The following THOP1 variants were observed in gnomAD, a reference collection of about 807,000 sequenced individuals.
The protein encoded by THOP1 is thimet oligopeptidase.
In THOP1, 49 loss-of-function variants were observed where a neutral mutation model predicts 71.8. The ratio of observed to expected loss-of-function variants is 0.68; its 90% confidence interval spans 0.54 to 0.87. The LOEUF is 0.87. THOP1 is among the 40% of genes least tolerant of loss of function. THOP1 has a pLI of 0.00. For missense variants in THOP1, 843 were observed against 975.6 expected (o/e 0.86, Z 1.81); for synonymous variants, 426 against 421.5 (o/e 1.01, Z -0.13).
intron 5 of THOP1, among the ~76,000 whole-genome samples, chr19:2,802,775 G>A (rs184281750): frequency 3.3e-4 from 51 of 152,346 alleles, no homozygotes; most frequent in African/African-American, 1.2e-3. Context: ...CAGTCATCCT[G>A]CCGTGACTCC....
chr19:2,789,663 G>A (rs79143973), intron 1 of THOP1, among the ~76,000 whole-genome samples: 3,649 of 152,276 alleles, frequency 0.024, 149 homozygotes, highest in African/African-American at 0.082. Flanking sequence ...TGAGCAGTGC[G>A]TGGGTGGTCC....
intron 12 of THOP1, chr19:2,812,173 C>A: frequency 1.3e-6 from 2 of 1,485,052 alleles, no homozygotes; most frequent in South Asian, 2.6e-5. Flanking sequence ...TGGCGTTTGC[C>A]ATTCATTTGC....
chr19:2,810,479 A>G lies in THOP1; in HGVS notation c.1631A>G (p.Gln544Arg). 1 of 1,557,528 alleles carries G rather than the reference A, an allele frequency of 6.4e-7. No individual in the cohort carries two copies. The highest frequency in any genetic ancestry group is 8.7e-7 in the Non-Finnish European group (1 of 1,151,436). Reference protein sequence around the residue: ...ELLEKLIESRQANTGLFNLRQ... With the variant: ...ELLEKLIESRRANTGLFNLRQ... ...CTGGAGAAGCTCATTGAGTCCCGGC[A>G]GGCCAACACAGGTGCACCCGCCCCG... Residue 544 changes from glutamine to arginine, a missense_variant, in exon 10 of 13, where the codon CAG becomes CGG. By Grantham distance (43) the Gln-to-Arg change is conservative. Coordinates refer to ENST00000307741, the MANE Select transcript of THOP1 (RefSeq NM_003249.5).
In THOP1 at chr19:2,785,543, C is replaced by T. The variant is rs1000478121; in HGVS notation, c.-120C>T. 11 of 1,252,718 alleles carry T rather than the reference C, an allele frequency of 8.8e-6. No homozygotes were observed. In the African/African-American group the frequency reaches 9.3e-5, roughly 11 times the overall value. The allele number at this position is 1,252,718 out of a possible 1,614,324, so 77.6% of individuals were successfully genotyped here. ...CGCGGGCGGCGGGCCCCTTGGTCCT[C>T]AGGCGGCCGTGGCGGCGGTGGCGGC... On this transcript the variant is annotated 5_prime_UTR_variant, in exon 1 of 13. Transcript: ENST00000307741.
rs1207285167 is a variant in THOP1 at position 2,813,434 on chromosome 19, C to T, written c.*158C>T. 8.5e-6 allele frequency: 8 copies of T among 941,200 alleles called. No individual in the cohort carries two copies. The highest frequency in any genetic ancestry group is 3.0e-5 in the Admixed American group (1 of 33,476). 58.3% of individuals were successfully genotyped at this position (941,200 alleles called of 1,614,324 possible). A position where few individuals can be genotyped will look rare whatever the true frequency, so the allele number is the denominator to read the frequency against. ...TTGTCATTGTCTGTCCCCACCCGGT[C>T]GTGGCCCACCCGGCTAGAGACGGCG... On this transcript the variant is annotated 3_prime_UTR_variant, in exon 13 of 13. Transcript: ENST00000307741.
In THOP1 at chr19:2,804,179, G is replaced by A. The variant is rs776599209; in HGVS notation, c.590-837G>A. 3.2e-4 allele frequency among the ~76,000 whole-genome samples: 49 copies of A among 152,302 alleles called. No homozygotes were observed. Among genetic ancestry groups the A allele is most frequent in the Non-Finnish European group, 5.0e-4 (34 of 68,028 alleles). ...AAGCCTGAGGCACGGTGGCCCTGGCGTCTCCCGAGCCATGAGGTAGGAACC... is the reference window on the plus strand; with the variant it reads ...AAGCCTGAGGCACGGTGGCCCTGGCATCTCCCGAGCCATGAGGTAGGAACC... On this transcript the variant is annotated intron_variant, in intron 5 of 12. Coordinates refer to ENST00000307741, the MANE Select transcript of THOP1 (RefSeq NM_003249.5). The surrounding 1 kb of genome is among the most constrained non-coding windows in gnomAD (Gnocchi z 4.7).
intron 6 of THOP1, chr19:2,806,512 TG>T (rs1374823709): frequency 4.2e-6 from 1 of 235,688 alleles, no homozygotes; most frequent in Non-Finnish European, 8.3e-6. Context: ...CCCACTGGCT[TG>T]GTTGGCAGTG....
intron 7 of THOP1, 147 bp downstream of exon 7, chr19:2,807,199 C>G (rs1404473177): frequency 9.4e-6 from 12 of 1,272,368 alleles, no homozygotes; most frequent in South Asian, 1.6e-5. Context: ...CCTCACTCCC[C>G]CCGAGGGACC....
chr19:2,807,719 T>G lies in THOP1; in HGVS notation c.1164T>G (p.Ser388Arg), dbSNP rs537514244. The change falls in exon 8 of 13, where the codon AGT becomes AGG. Residue 388 changes from serine to arginine, a missense_variant. Ser to Arg is a moderately radical substitution (Grantham distance 110). Coordinates refer to ENST00000307741, the MANE Select transcript of THOP1 (RefSeq NM_003249.5). ...CCTTCCACCACGAGGAGGGCGCCAG[T>G]GCCTGGCATGAGGACGTGCGGCTCT... Reference protein sequence around the residue: ...GLAFHHEEGASAWHEDVRLYT... With the variant: ...GLAFHHEEGARAWHEDVRLYT... 228 of 1,599,576 alleles carry G rather than the reference T, an allele frequency of 1.4e-4. 5 individuals are homozygous for G. The South Asian group carries it at 2.4e-3, about 17-fold the overall frequency.
At chr19:2,796,261 C>G (rs1426252631) in intron 4 of THOP1, 73 bp downstream of exon 4, 2 of 1,260,250 alleles carry the variant, frequency 1.6e-6, no homozygotes, top group Non-Finnish European at 2.3e-6. Flanking sequence ...ACAGGGAGTG[C>G]TCAGTCCCAG....
intron 2 of THOP1, 79 bp from the exon 3 acceptor site, chr19:2,794,685 G>A (rs887445208): frequency 1.2e-5 from 19 of 1,527,048 alleles, no homozygotes; most frequent in Non-Finnish European, 1.6e-5. Flanking sequence ...GACAGGCCTG[G>A]GAGAGGGGTC....
chr19:2,811,695 C>A lies in THOP1; in HGVS notation c.1869C>A (p.Phe623Leu), dbSNP rs1249168487. The A allele has an allele frequency of 6.2e-7, 1 of 1,613,486 alleles. No individual in the cohort carries two copies. The highest frequency in any genetic ancestry group is 8.5e-7 in the Non-Finnish European group (1 of 1,179,950). ...LWSEVYSMDM[F>L]HTRFKQEGVL... The stretch of plus-strand genomic sequence containing the variant: ...GCGAGGTGTATTCCATGGACATGTT[C>A]CACACGCGCTTCAAGCAGGAGGGTG... Residue 623 changes from phenylalanine (F) to leucine (L), a missense_variant, in exon 12 of 13, where the codon TTC becomes TTA. By Grantham distance (22) the Phe-to-Leu change is conservative. Coordinates refer to ENST00000307741, the MANE Select transcript of THOP1 (RefSeq NM_003249.5).
At chr19:2,799,640 G>A (rs1916098276) in intron 4 of THOP1, 49 bp from the exon 5 acceptor site, 3 of 1,507,286 alleles carry the variant, frequency 2.0e-6, no homozygotes, top group Non-Finnish European at 2.8e-6. Flanking sequence ...TCTCCCCGCG[G>A]AGCCCGCCCC....
At chr19:2,812,813 C>T (rs1916513761) in intron 12 of THOP1, among the ~76,000 whole-genome samples, 1 of 152,228 alleles carries the variant, frequency 6.6e-6, no homozygotes, top group Non-Finnish European at 1.5e-5. Flanking sequence ...GCCGGAGGCT[C>T]AGCCACTTCT....
intron 12 of THOP1, 145 bp downstream of exon 12, chr19:2,811,879 G>A: frequency 7.3e-7 from 1 of 1,361,958 alleles, no homozygotes. Context: ...CGGGGACTGG[G>A]GACAGGGAGG....
chr19:2,810,494 C>T lies in THOP1; in HGVS notation c.1642+4C>T. The T allele has an allele frequency of 6.5e-7, 1 of 1,547,200 alleles. No homozygotes were observed. The highest frequency in any genetic ancestry group is 1.4e-5 in the African/African-American group (1 of 73,502). On this transcript the variant is annotated splice_donor_region_variant and intron_variant, in intron 10 of 12. Transcript: ENST00000307741. ...GAGTCCCGGCAGGCCAACACAGGTG[C>T]ACCCGCCCCGTCCGGGGAAGGGTGC...
chr19:2,793,798 A>C (rs1329175164), intron 2 of THOP1, among the ~76,000 whole-genome samples: 1 of 152,136 alleles, frequency 6.6e-6, no homozygotes, highest in African/African-American at 2.4e-5. Flanking sequence ...CCAGAGCCTC[A>C]TTCCTTTTCA....
rs1015963145 is a variant in THOP1 at position 2,785,531 on chromosome 19, C to A, written c.-132C>A. 2 of 1,050,638 alleles carry A rather than the reference C, an allele frequency of 1.9e-6. No individual in the cohort carries two copies. The highest frequency in any genetic ancestry group is 2.5e-6 in the Non-Finnish European group (2 of 799,796). 65.1% of individuals were successfully genotyped at this position (1,050,638 alleles called of 1,614,324 possible). ...ATGCCCCGGGAGCGCGGGCGGCGGG[C>A]CCCTTGGTCCTCAGGCGGCCGTGGC... On this transcript the variant is annotated 5_prime_UTR_variant, in exon 1 of 13. Coordinates refer to ENST00000307741, the MANE Select transcript of THOP1 (RefSeq NM_003249.5).
intron 4 of THOP1, among the ~76,000 whole-genome samples, chr19:2,799,129 C>T (rs1308065624): frequency 6.6e-6 from 1 of 152,190 alleles, no homozygotes; most frequent in African/African-American, 2.4e-5. Flanking sequence ...AGTTCGAAAC[C>T]AGCCTGAGCA....
Sources: allele counts gnomAD v4.1 joint callset (sites outside exome capture counted in the v4.1 genomes callset), GRCh38; gene constraint gnomAD v4.1.1; non-coding constraint Gnocchi (gnomAD v3.1); transcripts MANE v1.5; gene names NCBI Gene and HGNC (gene_info 2026-07-23, HGNC 2026-07-21).